The following SLC6A5 variants were observed in gnomAD, a reference collection of about 807,000 sequenced individuals.
The protein encoded by SLC6A5 is sodium- and chloride-dependent glycine transporter 2.
SLC6A5 carries 58 observed loss-of-function variants against 90.5 expected under a neutral mutation model. The observed-to-expected ratio is 0.64, with a 90% CI of 0.52 to 0.80. The LOEUF (loss-of-function observed/expected upper bound fraction) is 0.80, where lower values mean the gene tolerates loss of function less well. Among genes scored for constraint, SLC6A5 ranks in the 30% least tolerant of loss-of-function variants. The pLI is 0.00. For missense variants in SLC6A5, 1,015 were observed against 1,017.6 expected, an observed-to-expected ratio of 1.00 and a Z score of 0.03; for synonymous variants, 427 against 401.4, an observed-to-expected ratio of 1.06 and a Z score of -0.76.
At chr11:20,646,741 G>A (rs1341461212) in intron 13 of SLC6A5, 93 bp from the exon 14 acceptor site, 2 of 844,356 alleles carry the variant, frequency 2.4e-6, no homozygotes, top group African/African-American at 3.3e-5. Context: ...CTAGCCAATG[G>A]TGCTTGAGTG....
Position 20,614,715 on chromosome 11 carries a change from T to C in SLC6A5, c.1022T>C (p.Ile341Thr). Residue 341 changes from isoleucine to threonine, a missense_variant, in exon 6 of 16, where the codon ATC becomes ACC. By Grantham distance (89) the Ile-to-Thr change is moderately conservative. This residue lies in a region of SLC6A5 where 567 missense variants were observed against 507.3 expected (regional missense o/e 1.12). Coordinates refer to ENST00000525748, the MANE Select transcript of SLC6A5 (RefSeq NM_004211.5). ...CVISDHPKIQ[I>T]KNSTFCMTAY... is the part of the protein sequence containing the mutation. ...ATCAGTGACCATCCCAAAATACAGA[T>C]CAAGAACTCGACTTTCTGCATGACC... 1 of 1,614,046 alleles carries C rather than the reference T, an allele frequency of 6.2e-7. No individual in the cohort carries two copies. Among genetic ancestry groups the C allele is most frequent in the Admixed American group, 1.7e-5 (1 of 60,024 alleles).
chr11:20,620,480 A>G (rs1009585476), intron 7 of SLC6A5, among the ~76,000 whole-genome samples: 1 of 152,246 alleles, frequency 6.6e-6, no homozygotes, highest in African/African-American at 2.4e-5. Context: ...TATTAACATT[A>G]TCTCCTTTCA....
intron 5 of SLC6A5, among the ~76,000 whole-genome samples, chr11:20,608,918 G>GTCTC (rs1852634596): frequency 6.3e-5 from 5 of 79,190 alleles, no homozygotes; most frequent in Admixed American, 5.4e-4. Flanking sequence ...CTGTCTGTCT[G>GTCTC]TCTGTCTCTC....
At position 20,617,909 on chromosome 11, in the gene SLC6A5, G is replaced by C. The variant is rs200872801; in HGVS notation, c.1260+25G>C. The C allele has an allele frequency of 2.5e-3, 4,015 of 1,608,330 alleles. 6 individuals are homozygous for C. Among genetic ancestry groups the C allele is most frequent in the Non-Finnish European group, 3.2e-3 (3,747 of 1,179,072 alleles). On this transcript the variant is annotated intron_variant, in intron 7 of 15. Coordinates refer to ENST00000525748, the MANE Select transcript of SLC6A5 (RefSeq NM_004211.5). The stretch of plus-strand genomic sequence containing the variant: ...AGTAAGCACTTGGATTTATCTAAGA[G>C]AAAGCTGTGAGACACCCAGGGGCGG...
At chr11:20,637,010 T>C (rs749986892) in intron 11 of SLC6A5, among the ~76,000 whole-genome samples, 162 bp from the exon 12 acceptor site, 5 of 152,040 alleles carry the variant, frequency 3.3e-5, no homozygotes, top group Non-Finnish European at 5.9e-5. Context: ...TGCCTGTGGG[T>C]TGGACCCCAA....
chr11:20,630,780 A>C lies in SLC6A5; in HGVS notation c.1589A>C (p.Glu530Ala). 6.2e-7 allele frequency: 1 copy of C among 1,614,232 alleles called. No individual in the cohort carries two copies. The highest frequency in any genetic ancestry group is 1.1e-5 in the South Asian group (1 of 91,088). ...TCCGTTATCGGCTTCATGGCCAATG[A>C]ACGCAAAGTCAACATTGAGAATGTG... is the stretch of plus-strand genomic sequence containing the variant. ...IFSVIGFMAN[E>A]RKVNIENVAD... Residue 530 changes from glutamate (E) to alanine (A), a missense_variant, in exon 10 of 16, where the codon GAA becomes GCA. Glu to Ala is a moderately radical substitution (Grantham distance 107, BLOSUM62 -1). Transcript: ENST00000525748.
chr11:20,620,837 T>C (rs1207153025), intron 7 of SLC6A5, among the ~76,000 whole-genome samples: 1 of 152,278 alleles, frequency 6.6e-6, no homozygotes, highest in East Asian at 1.9e-4. Flanking sequence ...TCTCGCTTTG[T>C]CACCCAGGCT....
chr11:20,620,426 G>A (rs991342126), intron 7 of SLC6A5, among the ~76,000 whole-genome samples: 5 of 152,208 alleles, frequency 3.3e-5, no homozygotes, highest in African/African-American at 1.2e-4. Flanking sequence ...ATTGCTGTAA[G>A]GATGAAGTGA....
At chr11:20,652,539 C>T (rs376450107) in intron 15 of SLC6A5, 83 bp downstream of exon 15, 5 of 1,339,148 alleles carry the variant, frequency 3.7e-6, no homozygotes, top group East Asian at 2.3e-5. Flanking sequence ...ACAAAAGATT[C>T]GGTAAACTTA....
At chr11:20,629,511 A>G (rs867262752) in intron 9 of SLC6A5, among the ~76,000 whole-genome samples, 2 of 152,160 alleles carry the variant, frequency 1.3e-5, no homozygotes, top group African/African-American at 4.8e-5. Flanking sequence ...TATTATTTTT[A>G]AATGACACAT....
chr11:20,632,859 T>C (rs182079767), intron 10 of SLC6A5, among the ~76,000 whole-genome samples: 16 of 152,314 alleles, frequency 1.1e-4, no homozygotes, highest in Admixed American at 7.2e-4. Context: ...TGATCTTTAG[T>C]CAAATAGAGG....
At chr11:20,609,986 G>A (rs1218529477) in intron 5 of SLC6A5, among the ~76,000 whole-genome samples, 1 of 152,196 alleles carries the variant, frequency 6.6e-6, no homozygotes, top group Non-Finnish European at 1.5e-5. Context: ...GCGGCTTTAC[G>A]TGAAAATAGG....
Position 20,604,283 on chromosome 11 carries a change from C to G in SLC6A5, c.541-3C>G. ...TATCGACAATGTGCTTTTCCGCCCC[C>G]AGGAGGACGAGCAAGGGGATGAGAA... is the stretch of plus-strand genomic sequence containing the variant. On this transcript the variant is annotated splice_region_variant and splice_polypyrimidine_tract_variant and intron_variant, in intron 2 of 15. Coordinates refer to ENST00000525748, the MANE Select transcript of SLC6A5 (RefSeq NM_004211.5). The G allele has an allele frequency of 6.2e-7, 1 of 1,608,600 alleles. No homozygotes were observed. Among genetic ancestry groups the G allele is most frequent in the Non-Finnish European group, 8.5e-7 (1 of 1,176,052 alleles).
At chr11:20,608,910 G>C (rs11025650) in intron 5 of SLC6A5, among the ~76,000 whole-genome samples, 28,632 of 109,238 alleles carry the variant, frequency 0.26, 3,036 homozygotes, top group East Asian at 0.43. Flanking sequence ...CTCTCTCTCT[G>C]TCTGTCTGTC....
At chr11:20,616,431 T>C (rs994504909) in intron 6 of SLC6A5, among the ~76,000 whole-genome samples, 7 of 152,212 alleles carry the variant, frequency 4.6e-5, no homozygotes, top group Non-Finnish European at 1.5e-5. Context: ...CTGCTTTTGA[T>C]GGCCTTTACT....
At chr11:20,644,823 T>C (rs943208146) in intron 13 of SLC6A5, among the ~76,000 whole-genome samples, 10 of 152,208 alleles carry the variant, frequency 6.6e-5, no homozygotes, top group African/African-American at 2.2e-4. Context: ...TTTTCTTTTT[T>C]TTTTTGAGAC....
intron 14 of SLC6A5, among the ~76,000 whole-genome samples, chr11:20,650,260 TC>T (rs1264872328): frequency 6.6e-6 from 1 of 152,190 alleles, no homozygotes; most frequent in African/African-American, 2.4e-5. Context: ...AGGGAAATTT[TC>T]CCCCAAAGGC....
intron 1 of SLC6A5, 124 bp downstream of exon 1, chr11:20,599,799 G>A (rs1852423392): frequency 8.9e-7 from 1 of 1,129,390 alleles, no homozygotes; most frequent in African/African-American, 1.5e-5. Context: ...GGGCGACGAG[G>A]AGAACAATTC....
At chr11:20,650,908 C>T (rs964410828) in intron 14 of SLC6A5, among the ~76,000 whole-genome samples, 4 of 151,352 alleles carry the variant, frequency 2.6e-5, no homozygotes, top group Admixed American at 6.6e-5. Context: ...CCTCGTGATC[C>T]GCCCGCCTCG....
Sources: gnomAD v4.1 joint callset for allele counts (sites outside exome capture counted in the v4.1 genomes callset) on GRCh38, gnomAD v4.1.1 for gene constraint, gnomAD v4.1.1 regional missense constraint, MANE v1.5 for transcripts, NCBI Gene and HGNC (gene_info 2026-07-23, HGNC 2026-07-21) for gene names.